The following RYR3 variants were observed in gnomAD, a reference collection of about 807,000 sequenced individuals.
RYR3 encodes brain ryanodine receptor-calcium release channel.
RYR3 carries 207 observed loss-of-function variants against 584.3 expected under a neutral mutation model. That is an observed-to-expected ratio of 0.35 (90% CI 0.32 to 0.40). RYR3 has a LOEUF of 0.40. Among genes scored for constraint, RYR3 ranks in the 10% least tolerant of loss-of-function variants. RYR3 has a pLI of 1.00. For synonymous variants in RYR3, 2,416 were observed against 2,248.5 expected (o/e 1.07, Z -2.11); for missense variants, 5,616 against 6,089.2 (o/e 0.92, Z 2.59).
In RYR3 at chr15:33,857,888, G is replaced by T. The variant is rs762353653; in HGVS notation, c.14116G>T (p.Asp4706Tyr). The change falls in exon 99 of 104, where the codon GAT (aspartate) becomes TAT (tyrosine). Residue 4706 changes from aspartate to tyrosine, a missense_variant. Asp to Tyr is a radical substitution (Grantham distance 160). Coordinates refer to ENST00000634891, the MANE Select transcript of RYR3 (RefSeq NM_001036.6). Reference sequence around the variant, plus strand: ...CAAAAGCGAAGACGATGACGAGCCCGATATGAAGTGCGACGACATGATGAC... The same window carrying T: ...CAAAAGCGAAGACGATGACGAGCCCTATATGAAGTGCGACGACATGATGAC... ...YNKSEDDDEP[D>Y]MKCDDMMTCY... 1 of 1,614,194 alleles carries T rather than the reference G, an allele frequency of 6.2e-7. No homozygotes were observed. Among genetic ancestry groups the T allele is most frequent in the African/African-American group, 1.3e-5 (1 of 75,060 alleles).
At chr15:33,642,092 T>G (rs1473698618) in intron 27 of RYR3, among the ~76,000 whole-genome samples, 2 of 152,188 alleles carry the variant, frequency 1.3e-5, no homozygotes, top group Non-Finnish European at 2.9e-5. Flanking sequence ...TCTCTACTGG[T>G]GCTTAGGAAT....
intron 3 of RYR3, among the ~76,000 whole-genome samples, chr15:33,519,986 A>T (rs1475031857): frequency 1.3e-5 from 2 of 152,194 alleles, no homozygotes. Flanking sequence ...CCAACTAGGA[A>T]AATCATAGTT....
At chr15:33,650,941 G>A (rs2062429697) in intron 31 of RYR3, among the ~76,000 whole-genome samples, 1 of 152,210 alleles carries the variant, frequency 6.6e-6, no homozygotes. Context: ...GATTGGAAAG[G>A]AAAGTATTCT....
chr15:33,843,475 CT>C lies in RYR3; in HGVS notation c.13210-9del. ...CAAAGCTCTTCTACTTCTGCCTGTC[CT>C]TTTCTTTGCAGCATTACCTGGCCAG... is the stretch of plus-strand genomic sequence containing the variant. On this transcript the variant is annotated splice_polypyrimidine_tract_variant and intron_variant, in intron 91 of 103. Transcript: ENST00000634891. The C allele has an allele frequency of 6.3e-7, 1 of 1,585,422 alleles. No homozygotes were observed. Among genetic ancestry groups the C allele is most frequent in the Admixed American group, 1.7e-5 (1 of 57,148 alleles).
chr15:33,617,137 G>A (rs146839180), intron 19 of RYR3, among the ~76,000 whole-genome samples: 74 of 152,264 alleles, frequency 4.9e-4, no homozygotes, highest in Admixed American at 1.3e-3. Context: ...TGTATTGGTC[G>A]GGCGTGGTGG....
intron 3 of RYR3, among the ~76,000 whole-genome samples, chr15:33,513,354 A>G (rs2140892920): frequency 6.6e-6 from 1 of 152,318 alleles, no homozygotes; most frequent in African/African-American, 2.4e-5. Context: ...CTCAGCTGGC[A>G]TTTTCATCCT....
intron 45 of RYR3, among the ~76,000 whole-genome samples, chr15:33,725,838 C>T (rs1055103119): frequency 1.9e-4 from 29 of 149,174 alleles, no homozygotes; most frequent in Admixed American, 6.0e-4. Flanking sequence ...GGTGTGGTGG[C>T]GGGCGCCTGT....
intron 48 of RYR3, among the ~76,000 whole-genome samples, chr15:33,733,755 A>G (rs890124182): frequency 5.3e-5 from 8 of 152,182 alleles, no homozygotes; most frequent in African/African-American, 9.7e-5. Flanking sequence ...CGATGTTTCA[A>G]TATAAGTTTA....
intron 46 of RYR3, among the ~76,000 whole-genome samples, chr15:33,727,555 C>G (rs1460966994): frequency 6.6e-6 from 1 of 152,138 alleles, no homozygotes; most frequent in Non-Finnish European, 1.5e-5. Context: ...ACATAAAACA[C>G]TAACTAATAT....
In RYR3 at chr15:33,453,066, T is replaced by TGCTGCACTTGAAACTAGG. The variant is rs2047260798; in HGVS notation, c.52-20353_52-20352insGCTGCACTTGAAACTAGG. On this transcript the variant is annotated intron_variant, in intron 1 of 103. Transcript: ENST00000634891. ...GTTTGCTGCACTTGAAACTAGGGTT[T>TGCTGCACTTGAAACTAGG]TTTTCCTTAGGGGCAGCAGCCTGAA... Among the ~76,000 whole-genome samples the TGCTGCACTTGAAACTAGG allele has an allele frequency of 4.0e-4, 13 of 32,826 alleles. No homozygotes were observed. In the South Asian group the frequency reaches 0.012, roughly 29 times the overall value. 21.5% of individuals were successfully genotyped at this position (32,826 alleles called of 152,430 possible).
intron 60 of RYR3, among the ~76,000 whole-genome samples, chr15:33,765,344 G>A (rs2072922968): frequency 6.6e-6 from 1 of 151,900 alleles, no homozygotes; most frequent in African/African-American, 2.4e-5. Context: ...AATGAAAATA[G>A]TTAGGAGGCC....
intron 75 of RYR3, among the ~76,000 whole-genome samples, chr15:33,817,314 G>A (rs2076868873): frequency 1.3e-5 from 2 of 152,162 alleles, no homozygotes; most frequent in African/African-American, 4.8e-5. Flanking sequence ...CTGTAGTTCT[G>A]CTTTGGGGAA....
At chr15:33,495,996 C>A (rs1057402087) in intron 2 of RYR3, among the ~76,000 whole-genome samples, 2 of 152,168 alleles carry the variant, frequency 1.3e-5, no homozygotes, top group African/African-American at 2.4e-5. Context: ...GAAATACAAA[C>A]TACACACACC....
chr15:33,594,037 A>G (rs2059259743), intron 16 of RYR3, among the ~76,000 whole-genome samples: 1 of 152,200 alleles, frequency 6.6e-6, no homozygotes, highest in Non-Finnish European at 1.5e-5. Flanking sequence ...AATACCTATG[A>G]GTTGGGTGAA....
In RYR3 at chr15:33,504,541, T is replaced by C. The variant is rs541900151; in HGVS notation, c.279+803T>C. On this transcript the variant is annotated intron_variant, in intron 3 of 103. Transcript: ENST00000634891. Reference sequence around the variant, plus strand: ...GCCTATTAATTGCTTTGATTCCTCCTATACTTACCCCCTCCTCCCGTTTTT... The same window carrying C: ...GCCTATTAATTGCTTTGATTCCTCCCATACTTACCCCCTCCTCCCGTTTTT... Among the ~76,000 whole-genome samples, 447 of 152,368 alleles carry C rather than the reference T, an allele frequency of 2.9e-3. 1 individual carries two copies. Among genetic ancestry groups the C allele is most frequent in the Middle Eastern group, 0.017 (5 of 294 alleles).
At position 33,647,406 on chromosome 15, in the gene RYR3, G is replaced by A. The variant is rs772372734; in HGVS notation, c.3942-18G>A. The A allele has an allele frequency of 3.8e-6, 6 of 1,599,730 alleles. No homozygotes were observed. In the African/African-American group the frequency reaches 4.0e-5, roughly 11 times the overall value. On this transcript the variant is annotated intron_variant, in intron 29 of 103. Coordinates refer to ENST00000634891, the MANE Select transcript of RYR3 (RefSeq NM_001036.6). ...CAATACAGCTGAATAACTAAAACAT[G>A]GATTATCTTTCCCCCAGGAAACAGA...
chr15:33,648,313 C>G (rs1041250297), intron 30 of RYR3, among the ~76,000 whole-genome samples: 7 of 152,146 alleles, frequency 4.6e-5, no homozygotes, highest in East Asian at 1.9e-4. Context: ...TCTAGCCGAC[C>G]CTTTTTTCTT....
intron 1 of RYR3, among the ~76,000 whole-genome samples, chr15:33,393,943 G>A (rs942552105): frequency 2.0e-5 from 3 of 152,188 alleles, no homozygotes; most frequent in Non-Finnish European, 4.4e-5. Flanking sequence ...TGAGATAGAT[G>A]TTGACATCCC....
At chr15:33,398,721 C>T (rs933788089) in intron 1 of RYR3, among the ~76,000 whole-genome samples, 4 of 152,168 alleles carry the variant, frequency 2.6e-5, no homozygotes, top group South Asian at 2.1e-4. Flanking sequence ...AGCAAAGCAG[C>T]GGAGGTGGGA....
Sources: gnomAD v4.1 joint callset for allele counts (sites outside exome capture counted in the v4.1 genomes callset) on GRCh38, gnomAD v4.1.1 for gene constraint, MANE v1.5 for transcripts, NCBI Gene and HGNC (gene_info 2026-07-23, HGNC 2026-07-21) for gene names.